Variants in DGKB observed in about 807,000 individuals in gnomAD.
The protein encoded by DGKB is 90 kDa diacylglycerol kinase.
A neutral mutation model predicts 114.3 loss-of-function variants in DGKB; 67 were observed. The ratio of observed to expected loss-of-function variants is 0.59; its 90% CI spans 0.48 to 0.72. The LOEUF (loss-of-function observed/expected upper bound fraction) is 0.72. DGKB is among the 30% of genes least tolerant of loss of function. The pLI is 0.00. For synonymous variants in DGKB, 398 were observed against 323.1 expected (o/e 1.23, Z -2.49); for missense variants, 907 against 975.2 (o/e 0.93, Z 0.93).
chr7:14,639,167 G>A (rs979157425), intron 13 of DGKB, among the ~76,000 whole-genome samples: 4 of 152,070 alleles, frequency 2.6e-5, no homozygotes, highest in Non-Finnish European at 5.9e-5. Flanking sequence ...CTCTGGAACT[G>A]GATAACATAA....
At chr7:14,842,798 T>C (rs917929562) in intron 1 of DGKB, among the ~76,000 whole-genome samples, 1 of 152,180 alleles carries the variant, frequency 6.6e-6, no homozygotes, top group Non-Finnish European at 1.5e-5. Flanking sequence ...AGTGATTCAA[T>C]GACAGGGTGA....
chr7:14,414,562 A>C (rs915839505), intron 21 of DGKB, among the ~76,000 whole-genome samples: 8 of 152,112 alleles, frequency 5.3e-5, no homozygotes, highest in African/African-American at 1.9e-4. Context: ...TGTGTATTTA[A>C]AGAGTTTCCC....
chr7:14,855,655 T>C (rs1850040601), intron 1 of DGKB, among the ~76,000 whole-genome samples: 1 of 152,174 alleles, frequency 6.6e-6, no homozygotes, highest in African/African-American at 2.4e-5. Context: ...GTCTCAGTTA[T>C]TGCTTTACTT....
chr7:14,764,444 C>A (rs1445542248), intron 2 of DGKB, among the ~76,000 whole-genome samples: 1 of 151,824 alleles, frequency 6.6e-6, no homozygotes, highest in Non-Finnish European at 1.5e-5. Context: ...CTTCATTTAA[C>A]CCAGTAATAC....
At chr7:14,643,248 A>T (rs1242202631) in intron 13 of DGKB, among the ~76,000 whole-genome samples, 2 of 152,188 alleles carry the variant, frequency 1.3e-5, no homozygotes, top group Non-Finnish European at 2.9e-5. Context: ...AGCCATCTAC[A>T]TTCCCATCAG....
chr7:14,246,264 T>C (rs1794461623), intron 23 of DGKB, among the ~76,000 whole-genome samples: 1 of 152,226 alleles, frequency 6.6e-6, no homozygotes, highest in African/African-American at 2.4e-5. Flanking sequence ...CAGATGTTGC[T>C]TGACATGCTT....
chr7:14,271,496 CAG>C (rs1478917087), intron 23 of DGKB, among the ~76,000 whole-genome samples: 1 of 152,150 alleles, frequency 6.6e-6, no homozygotes, highest in East Asian at 1.9e-4. Flanking sequence ...AATTTAATAA[CAG>C]GGCACAGAGG....
At chr7:14,465,867 C>CAGGAGTTG (rs1780389687) in intron 21 of DGKB, among the ~76,000 whole-genome samples, 4 of 151,860 alleles carry the variant, frequency 2.6e-5, no homozygotes, top group African/African-American at 9.7e-5. Context: ...GTCACACTTG[C>CAGGAGTTG]TCACATGTGA....
chr7:14,310,965 C>T (rs892382827), intron 23 of DGKB, among the ~76,000 whole-genome samples: 2 of 151,698 alleles, frequency 1.3e-5, no homozygotes, highest in African/African-American at 4.8e-5. Context: ...CTCGTCTCCA[C>T]AAAAATACAA....
At chr7:14,280,445 T>C (rs1191234947) in intron 23 of DGKB, among the ~76,000 whole-genome samples, 1 of 150,656 alleles carries the variant, frequency 6.6e-6, no homozygotes, top group African/African-American at 2.5e-5. Context: ...TGCAGGATGT[T>C]ATCCAGGAGA....
chr7:14,792,267 T>C (rs1840766875), intron 2 of DGKB, among the ~76,000 whole-genome samples: 1 of 152,170 alleles, frequency 6.6e-6, no homozygotes, highest in South Asian at 2.1e-4. Flanking sequence ...TAATGAAAGT[T>C]AAATATAATA....
chr7:14,855,245 C>A (rs1849962054), intron 1 of DGKB, among the ~76,000 whole-genome samples: 1 of 152,138 alleles, frequency 6.6e-6, no homozygotes, highest in Admixed American at 6.5e-5. Flanking sequence ...AATTTAGCAA[C>A]ACTTGGAAAT....
At chr7:14,815,329 A>C (rs775744822) in intron 2 of DGKB, 1 of 152,164 alleles carries the variant, frequency 6.6e-6, no homozygotes, top group Non-Finnish European at 1.5e-5. Context: ...CTCATCCTAA[A>C]TTAGTAGAGT....
chr7:14,621,514 G>A lies in DGKB; in HGVS notation c.1168-20C>T. 2.1e-6 allele frequency: 3 copies of A among 1,412,180 alleles called. No homozygotes were observed. The highest frequency in any genetic ancestry group is 1.9e-6 in the Non-Finnish European group (2 of 1,026,708). 87.5% of individuals were successfully genotyped at this position (1,412,180 alleles called of 1,614,324 possible). Reference sequence around the variant, plus strand: ...TCTTTCCTGTAAAAAAGAAAATTTTGATAAAAATAAAAATTAGGAAAATAA... The same window carrying A: ...TCTTTCCTGTAAAAAAGAAAATTTTAATAAAAATAAAAATTAGGAAAATAA... On this transcript the variant is annotated intron_variant, in intron 14 of 25. Transcript: ENST00000402815.
intron 17 of DGKB, among the ~76,000 whole-genome samples, chr7:14,603,177 C>T (rs1415746339): frequency 6.6e-6 from 1 of 152,056 alleles, no homozygotes; most frequent in Non-Finnish European, 1.5e-5. Context: ...TTTCATACTC[C>T]ATCACTCCAG....
intron 23 of DGKB, among the ~76,000 whole-genome samples, chr7:14,244,601 C>T (rs183200944): frequency 3.6e-5 from 5 of 140,130 alleles, no homozygotes; most frequent in East Asian, 2.4e-4. Flanking sequence ...ATCTGGGAGG[C>T]GCGGGTTGCA....
chr7:14,807,068 G>A (rs2128066975), intron 2 of DGKB, among the ~76,000 whole-genome samples: 1 of 152,112 alleles, frequency 6.6e-6, no homozygotes, highest in Non-Finnish European at 1.5e-5. Flanking sequence ...ATAAAAAGCT[G>A]AGAGATGAAG....
At chr7:14,473,736 T>A (rs905441357) in intron 21 of DGKB, among the ~76,000 whole-genome samples, 1 of 152,226 alleles carries the variant, frequency 6.6e-6, no homozygotes, top group Non-Finnish European at 1.5e-5. Flanking sequence ...ACTTCTTGCA[T>A]CAGCTTGACC....
At position 14,734,796 on chromosome 7, in the gene DGKB, T is replaced by TG. The variant is rs1286703471; in HGVS notation, c.322+1244_322+1245insC. Among the ~76,000 whole-genome samples, 9 of 152,324 alleles carry TG rather than the reference T, an allele frequency of 5.9e-5. No individual in the cohort carries two copies. In the East Asian group the frequency reaches 1.3e-3, roughly 23 times the overall value. ...TCAATAGATATCATCCACATAAACA[T>TG]AAGTTCCTTCAGGTCTTCAATTTTT... On this transcript the variant is annotated intron_variant, in intron 5 of 25. Transcript: ENST00000402815.
Sources: allele counts gnomAD v4.1 joint callset (sites outside exome capture counted in the v4.1 genomes callset), GRCh38; gene constraint gnomAD v4.1.1; transcripts MANE v1.5; gene names NCBI Gene and HGNC (gene_info 2026-07-23, HGNC 2026-07-21).